The following RBFOX3 variants were observed in gnomAD, a reference collection of about 807,000 sequenced individuals.
RBFOX3 encodes RNA binding protein fox-1 homolog 3.
Under a neutral mutation model 48.7 loss-of-function variants are expected in RBFOX3, and 17 were observed. The observed-to-expected ratio is 0.35, with a 90% CI of 0.24 to 0.52. The LOEUF (loss-of-function observed/expected upper bound fraction) is 0.52. Ranked by LOEUF, RBFOX3 falls within the 20% of genes least tolerant of loss-of-function variation. The pLI, the probability that RBFOX3 is intolerant of heterozygous loss-of-function variation, is 0.94. For synonymous variants in RBFOX3, 212 were observed against 209.5 expected (o/e 1.01, Z -0.10); for missense variants, 382 against 497.5 (o/e 0.77, Z 2.21).
chr17:79,611,185 C>G (rs2093965587), upstream of RBFOX3, among the ~76,000 whole-genome samples: 6 of 14,924 alleles, frequency 4.0e-4, 1 homozygote, highest in South Asian at 0.016. Context: ...CGCCCTCCTT[C>G]TCTCTCTCTC....
chr17:79,641,166 A>C, the RBFOX3 span, among the ~76,000 whole-genome samples: 1 of 152,254 alleles, frequency 6.6e-6, no homozygotes, highest in African/African-American at 2.4e-5. Context: ...ATTTCTCAAA[A>C]GAAGTCATAC....
chr17:79,575,274 G>A (rs2092820809), intron 1 of RBFOX3, among the ~76,000 whole-genome samples: 4 of 152,234 alleles, frequency 2.6e-5, no homozygotes, highest in Admixed American at 2.6e-4. Flanking sequence ...CATGCAACAG[G>A]GAAATGGGGG....
chr17:79,459,277 T>C (rs1168591172), intron 2 of RBFOX3, among the ~76,000 whole-genome samples: 7 of 152,178 alleles, frequency 4.6e-5, no homozygotes, highest in Non-Finnish European at 1.5e-5. Flanking sequence ...AGAGAGCTGC[T>C]GCTCTTCCAC....
chr17:79,460,360 A>T (rs2075215808), intron 2 of RBFOX3, among the ~76,000 whole-genome samples: 1 of 151,992 alleles, frequency 6.6e-6, no homozygotes, highest in Non-Finnish European at 1.5e-5. Flanking sequence ...CTCCAGCAGC[A>T]GCTTCCTAAA....
chr17:79,637,788 G>A, the RBFOX3 span, among the ~76,000 whole-genome samples: 5 of 48,678 alleles, frequency 1.0e-4, no homozygotes, highest in African/African-American at 3.0e-4. Flanking sequence ...GAAGGGAGGG[G>A]AAGAGAAGGG....
At chr17:79,560,849 T>G (rs2092165979) in intron 1 of RBFOX3, among the ~76,000 whole-genome samples, 1 of 152,198 alleles carries the variant, frequency 6.6e-6, no homozygotes, top group Admixed American at 6.5e-5. Flanking sequence ...TCCTCTCCTT[T>G]TCTCAGCTGC....
At chr17:79,271,472 C>T (rs1427715785) in intron 3 of RBFOX3, among the ~76,000 whole-genome samples, 1 of 152,224 alleles carries the variant, frequency 6.6e-6, no homozygotes, top group Non-Finnish European at 1.5e-5. Context: ...GCCTGCCGGA[C>T]TCAAGCTCAT....
intron 3 of RBFOX3, among the ~76,000 whole-genome samples, chr17:79,277,799 C>G (rs1168180474): frequency 6.6e-6 from 1 of 152,232 alleles, no homozygotes; most frequent in Non-Finnish European, 1.5e-5. Context: ...AGCCAGAAGG[C>G]TCGGAGACAG....
intron 2 of RBFOX3, among the ~76,000 whole-genome samples, chr17:79,375,675 G>T (rs1840710): frequency 0.81 from 122,392 of 151,918 alleles, 51,505 homozygotes; most frequent in East Asian, 0.99. Context: ...GGATGGAGTT[G>T]CCCCCTTGGA....
intron 4 of RBFOX3, among the ~76,000 whole-genome samples, chr17:79,163,103 G>A (rs1168088916): frequency 6.6e-6 from 1 of 152,216 alleles, no homozygotes; most frequent in African/African-American, 2.4e-5. Flanking sequence ...TCAAGCTGGG[G>A]GAGAAAAGCA....
At position 79,443,198 on chromosome 17, in the gene RBFOX3, C is replaced by T. The variant is rs1057057269; in HGVS notation, c.-175+39256G>A. Among the ~76,000 whole-genome samples the T allele has an allele frequency of 5.3e-5, 8 of 152,344 alleles. No individual in the cohort carries two copies. Among genetic ancestry groups the T allele is most frequent in the East Asian group, 1.9e-4 (1 of 5,184 alleles). On this transcript the variant is annotated intron_variant, in intron 2 of 14. Transcript: ENST00000693108. This position sits in a 1 kb window ranked among gnomAD's most constrained non-coding sequence, Gnocchi z 4.4. ...AGTCAGATCAGCCGAAGGGGCCCAGCGTCCAGTCCAATCCTGGGTGCTGCC... is the reference window on the plus strand; with the variant it reads ...AGTCAGATCAGCCGAAGGGGCCCAGTGTCCAGTCCAATCCTGGGTGCTGCC...
intron 1 of RBFOX3, among the ~76,000 whole-genome samples, chr17:79,578,500 T>C (rs1254151973): frequency 6.6e-6 from 1 of 152,224 alleles, no homozygotes; most frequent in Non-Finnish European, 1.5e-5. Context: ...CAACCCCTGA[T>C]GGGCTTGTGC....
At chr17:79,440,996 G>C (rs138858395) in intron 2 of RBFOX3, among the ~76,000 whole-genome samples, 2 of 152,256 alleles carry the variant, frequency 1.3e-5, no homozygotes, top group African/African-American at 4.8e-5. Flanking sequence ...TCCCGCCAGA[G>C]CTGGCTTGGG....
At chr17:79,402,813 A>T (rs2062986348) in intron 2 of RBFOX3, among the ~76,000 whole-genome samples, 3 of 152,150 alleles carry the variant, frequency 2.0e-5, no homozygotes, top group Admixed American at 2.0e-4. Flanking sequence ...TCTGACCCGG[A>T]TCCAGCTTGG....
chr17:79,457,997 GC>G (rs1555746202), intron 2 of RBFOX3, among the ~76,000 whole-genome samples: 1 of 152,230 alleles, frequency 6.6e-6, no homozygotes, highest in African/African-American at 2.4e-5. Context: ...CTGGGCCAGG[GC>G]AGCAGAAATC....
chr17:79,275,079 GC>G (rs932095053), intron 3 of RBFOX3, among the ~76,000 whole-genome samples: 3 of 144,652 alleles, frequency 2.1e-5, no homozygotes, highest in Admixed American at 7.0e-5. Context: ...TCCTGAGCCA[GC>G]CTGCCTCTAC....
At chr17:79,591,567 C>T (rs1047997771) in intron 1 of RBFOX3, among the ~76,000 whole-genome samples, 11 of 152,206 alleles carry the variant, frequency 7.2e-5, no homozygotes, top group African/African-American at 2.7e-4. Context: ...ACCCCCAACC[C>T]CCAGCCCATC....
At chr17:79,170,530 C>T (rs552604336) in intron 4 of RBFOX3, among the ~76,000 whole-genome samples, 6 of 152,198 alleles carry the variant, frequency 3.9e-5, no homozygotes, top group East Asian at 1.9e-4. Context: ...ATCCACCACG[C>T]GTCTGCACCG....
chr17:79,560,017 G>T (rs1431620458), intron 1 of RBFOX3, among the ~76,000 whole-genome samples: 1 of 145,102 alleles, frequency 6.9e-6, no homozygotes, highest in Non-Finnish European at 1.5e-5. Flanking sequence ...AGGATGGGTG[G>T]GTGGGTGTAT....
Sources: allele counts gnomAD v4.1 joint callset (sites outside exome capture counted in the v4.1 genomes callset), GRCh38; gene constraint gnomAD v4.1.1; non-coding constraint Gnocchi (gnomAD v3.1); transcripts MANE v1.5; gene names NCBI Gene and HGNC (gene_info 2026-07-23, HGNC 2026-07-21).